RAB31: variants seen among roughly 807,000 people sequenced by gnomAD.
RAB31 encodes the protein ras-related protein Rab-31.
A neutral mutation model predicts 25.6 loss-of-function variants in RAB31; 21 were observed. The observed-to-expected ratio is 0.82, with a 90% CI of 0.58 to 1.18. The LOEUF is 1.18. Among genes scored for constraint, RAB31 ranks in the 50% most tolerant of loss-of-function variants. RAB31 has a pLI of 0.00. For missense variants in RAB31, 196 were observed against 250.1 expected (o/e 0.78, Z 1.46); for synonymous variants, 87 against 84.0 (o/e 1.04, Z -0.20).
intron 5 of RAB31, among the ~76,000 whole-genome samples, chr18:9,827,261 G>A (rs192193050): frequency 2.0e-5 from 3 of 152,000 alleles, no homozygotes; most frequent in African/African-American, 2.4e-5. Flanking sequence ...TTAGGGCCAC[G>A]AATGAATCAG....
chr18:9,722,140 G>A (rs1038218755), intron 1 of RAB31, among the ~76,000 whole-genome samples: 2 of 152,182 alleles, frequency 1.3e-5, no homozygotes, highest in East Asian at 1.9e-4. Context: ...TGGATCAGGC[G>A]CGGTCTTGCG....
intron 1 of RAB31, among the ~76,000 whole-genome samples, chr18:9,732,755 G>A (rs1359589365): frequency 1.3e-5 from 2 of 152,198 alleles, no homozygotes; most frequent in Non-Finnish European, 2.9e-5. Flanking sequence ...AACACCCTGG[G>A]CTGGAGTCTG....
At chr18:9,803,959 A>G (rs1362797151) in intron 3 of RAB31, among the ~76,000 whole-genome samples, 1 of 152,228 alleles carries the variant, frequency 6.6e-6, no homozygotes, top group Non-Finnish European at 1.5e-5. Flanking sequence ...AGAAGGAGGA[A>G]GGACATGTTC....
At chr18:9,791,976 A>G (rs1045404405) in intron 2 of RAB31, among the ~76,000 whole-genome samples, 178 bp from the exon 3 acceptor site, 3 of 152,184 alleles carry the variant, frequency 2.0e-5, no homozygotes, top group Admixed American at 6.5e-5. Context: ...CTAACAGAAA[A>G]TGAGAAATAT....
intron 1 of RAB31, among the ~76,000 whole-genome samples, chr18:9,732,031 T>C (rs908408422): frequency 2.0e-5 from 3 of 152,218 alleles, no homozygotes; most frequent in Non-Finnish European, 4.4e-5. Flanking sequence ...TATATTTACA[T>C]GCGCAGAGGA....
intron 2 of RAB31, among the ~76,000 whole-genome samples, chr18:9,789,223 G>A (rs1363339723): frequency 1.3e-5 from 2 of 152,160 alleles, no homozygotes; most frequent in Non-Finnish European, 2.9e-5. Context: ...ATTAGAAGCT[G>A]GGAAGGGTTG....
At chr18:9,856,821 C>T (rs74551357) in intron 6 of RAB31, among the ~76,000 whole-genome samples, 2,411 of 152,186 alleles carry the variant, frequency 0.016, 66 homozygotes, top group African/African-American at 0.055. Context: ...TGATGTAACT[C>T]GACACTGTCA....
chr18:9,710,885 C>T (rs1390461441), intron 1 of RAB31, among the ~76,000 whole-genome samples: 1 of 150,674 alleles, frequency 6.6e-6, no homozygotes, highest in Non-Finnish European at 1.5e-5. Flanking sequence ...AGAAAAGAAA[C>T]ATCAGTCATA....
At chr18:9,784,226 C>T (rs1299926469) in intron 2 of RAB31, among the ~76,000 whole-genome samples, 2 of 150,704 alleles carry the variant, frequency 1.3e-5, no homozygotes, top group Non-Finnish European at 3.0e-5. Flanking sequence ...TTTTGTAGAG[C>T]CAGGGGTCTT....
intron 1 of RAB31, among the ~76,000 whole-genome samples, chr18:9,728,939 A>C (rs182739218): frequency 1.5e-3 from 223 of 152,296 alleles, no homozygotes; most frequent in Non-Finnish European, 2.5e-3. Context: ...ATATTTTAAA[A>C]ATTTGTTTAT....
intron 1 of RAB31, among the ~76,000 whole-genome samples, chr18:9,722,113 T>G (rs2068076378): frequency 6.6e-6 from 1 of 151,868 alleles, no homozygotes; most frequent in East Asian, 1.9e-4. Flanking sequence ...GGGGGTTAGG[T>G]CAGGGAGGTT....
intron 2 of RAB31, among the ~76,000 whole-genome samples, chr18:9,777,946 G>A (rs1346690405): frequency 5.9e-5 from 9 of 151,642 alleles, no homozygotes; most frequent in Admixed American, 5.9e-4. Context: ...ATAGAGATGG[G>A]GTTTCACCAT....
chr18:9,790,744 AT>A (rs1218243870), intron 2 of RAB31, among the ~76,000 whole-genome samples: 1 of 152,214 alleles, frequency 6.6e-6, no homozygotes, highest in African/African-American at 2.4e-5. Context: ...CATTTGCCTC[AT>A]TGTTTTCTTA....
At chr18:9,818,802 C>T (rs1365805351) in intron 5 of RAB31, among the ~76,000 whole-genome samples, 2 of 152,198 alleles carry the variant, frequency 1.3e-5, no homozygotes, top group South Asian at 2.1e-4. Context: ...TCCTCACCAA[C>T]ATTTATTGCC....
rs2068844876 is a variant in RAB31 at position 9,861,085 on chromosome 18, C to G, written c.*1760C>G. ...TTGTGCTTGCAGGCCAAGAAATGAT[C>G]ATACCCCTTGCCAAAGGTAAAAAAA... On this transcript the variant is annotated 3_prime_UTR_variant, in exon 7 of 7. Transcript: ENST00000578921. 6.9e-6 allele frequency: 1 copy of G among 145,886 alleles called. No homozygotes were observed. The highest frequency in any genetic ancestry group is 2.6e-5 in the African/African-American group (1 of 39,200). The allele number at this position is 145,886 out of a possible 1,614,324, so 9.0% of individuals were successfully genotyped here.
At chr18:9,793,165 C>T (rs2068469844) in intron 3 of RAB31, among the ~76,000 whole-genome samples, 1 of 152,052 alleles carries the variant, frequency 6.6e-6, no homozygotes, top group African/African-American at 2.4e-5. Context: ...CCTTGACCTC[C>T]TGGGCTCAAG....
At chr18:9,809,447 T>A (rs1001938324) in intron 3 of RAB31, among the ~76,000 whole-genome samples, 3 of 152,120 alleles carry the variant, frequency 2.0e-5, no homozygotes, top group African/African-American at 7.2e-5. Context: ...CTGTAGAAAA[T>A]TTTCAGAGCC....
At chr18:9,747,026 C>T (rs2068209363) in intron 1 of RAB31, among the ~76,000 whole-genome samples, 1 of 152,114 alleles carries the variant, frequency 6.6e-6, no homozygotes. Context: ...CTGTTAAGGG[C>T]CTGGTATCCA....
intron 3 of RAB31, among the ~76,000 whole-genome samples, chr18:9,807,640 G>A (rs553680874): frequency 3.2e-4 from 48 of 152,082 alleles, no homozygotes; most frequent in Admixed American, 5.2e-4. Flanking sequence ...CATTATTCTA[G>A]GGATTGGAAT....
Sources: gnomAD v4.1 joint callset for allele counts (sites outside exome capture counted in the v4.1 genomes callset) on GRCh38, gnomAD v4.1.1 for gene constraint, MANE v1.5 for transcripts, NCBI Gene and HGNC (gene_info 2026-07-23, HGNC 2026-07-21) for gene names.